DTNBP1: variants seen among roughly 807,000 people sequenced by gnomAD.
DTNBP1 encodes dystrobrevin binding protein 1.
Under a neutral mutation model 42.8 loss-of-function variants are expected in DTNBP1, and 35 were observed. The observed-to-expected ratio is 0.82, with a 90% confidence interval of 0.63 to 1.09. DTNBP1 has a LOEUF of 1.09. DTNBP1 is among the 50% of genes least tolerant of loss of function. The pLI, the probability that DTNBP1 is intolerant of heterozygous loss-of-function variation, is 0.00. For synonymous variants in DTNBP1, 171 were observed against 162.2 expected, an observed-to-expected ratio of 1.05 and a Z score of -0.41; for missense variants, 457 against 424.2, an observed-to-expected ratio of 1.08 and a Z score of -0.68.
chr6:15,585,893 G>T, intron 7 of DTNBP1: 1 of 1,425,910 alleles, frequency 7.0e-7, no homozygotes, highest in Non-Finnish European at 9.2e-7. Context: ...CCAGAAGCAG[G>T]TTTTTCCAAA....
chr6:15,595,237 C>G, intron 6 of DTNBP1: 1 of 388,142 alleles, frequency 2.6e-6, no homozygotes, highest in Non-Finnish European at 4.9e-6. Flanking sequence ...AGAAAAAAAT[C>G]AGTATTATGC....
intron 5 of DTNBP1, among the ~76,000 whole-genome samples, chr6:15,623,109 T>G (rs1759138057): frequency 6.6e-6 from 1 of 152,280 alleles, no homozygotes; most frequent in South Asian, 2.1e-4. Flanking sequence ...GCAAAAGCCA[T>G]TATGGAACAA....
intron 6 of DTNBP1, among the ~76,000 whole-genome samples, chr6:15,600,386 G>A (rs1191631782): frequency 1.3e-5 from 2 of 152,184 alleles, no homozygotes; most frequent in East Asian, 3.8e-4. Flanking sequence ...AATGGTCATT[G>A]TGAGACTTCC....
At chr6:15,557,210 T>G (rs1323103988) in intron 7 of DTNBP1, among the ~76,000 whole-genome samples, 1 of 152,146 alleles carries the variant, frequency 6.6e-6, no homozygotes, top group Non-Finnish European at 1.5e-5. Flanking sequence ...AGAATGTGTT[T>G]TTGGTAAAAT....
At chr6:15,636,850 G>C (rs1760059495) in intron 4 of DTNBP1, among the ~76,000 whole-genome samples, 1 of 152,118 alleles carries the variant, frequency 6.6e-6, no homozygotes, top group South Asian at 2.1e-4. Flanking sequence ...TGTTGTTGTT[G>C]TTGTTGGCCC....
chr6:15,572,931 T>C (rs1228092469), intron 7 of DTNBP1, among the ~76,000 whole-genome samples: 3 of 152,166 alleles, frequency 2.0e-5, no homozygotes, highest in Non-Finnish European at 2.9e-5. Flanking sequence ...GAGGTCTCAC[T>C]CTGTTGCCCA....
intron 1 of DTNBP1, among the ~76,000 whole-genome samples, chr6:15,658,656 A>G (rs1041068921): frequency 6.6e-6 from 1 of 152,196 alleles, no homozygotes; most frequent in Non-Finnish European, 1.5e-5. Context: ...AAATACCTCA[A>G]TCCTGAGGCC....
chr6:15,652,537 A>G (rs1304231930), intron 1 of DTNBP1, among the ~76,000 whole-genome samples: 1 of 149,100 alleles, frequency 6.7e-6, no homozygotes, highest in Non-Finnish European at 1.5e-5. Flanking sequence ...CAGATAAGCT[A>G]CTTTTTTTTT....
chr6:15,536,473 T>C (rs995422513), intron 7 of DTNBP1, among the ~76,000 whole-genome samples: 2 of 152,256 alleles, frequency 1.3e-5, no homozygotes, highest in African/African-American at 4.8e-5. Flanking sequence ...GCTTGGGCTA[T>C]TGCTTCAGAG....
intron 4 of DTNBP1, among the ~76,000 whole-genome samples, chr6:15,634,821 A>G (rs1167641634): frequency 6.6e-6 from 1 of 152,224 alleles, no homozygotes; most frequent in South Asian, 2.1e-4. Flanking sequence ...CACAAATTAG[A>G]TAACTAATAT....
chr6:15,528,736 AAGAC>A (rs1464016514), intron 8 of DTNBP1, among the ~76,000 whole-genome samples: 3 of 152,214 alleles, frequency 2.0e-5, no homozygotes, highest in Non-Finnish European at 4.4e-5. Flanking sequence ...AGTGAAATGA[AAGAC>A]AGCCATGTCA....
At chr6:15,626,287 T>C (rs1169440162) in intron 5 of DTNBP1, among the ~76,000 whole-genome samples, 1 of 152,228 alleles carries the variant, frequency 6.6e-6, no homozygotes, top group African/African-American at 2.4e-5. Flanking sequence ...CTGTAAATCA[T>C]CTAATCATCT....
chr6:15,585,763 G>C, intron 7 of DTNBP1: 1 of 1,534,884 alleles, frequency 6.5e-7, no homozygotes, highest in Non-Finnish European at 8.7e-7. Flanking sequence ...AGATGACATG[G>C]ATGTGAGACC....
intron 7 of DTNBP1, among the ~76,000 whole-genome samples, chr6:15,566,992 G>A (rs1342999236): frequency 6.6e-6 from 1 of 152,130 alleles, no homozygotes; most frequent in African/African-American, 2.4e-5. Context: ...TGCCCAGCCT[G>A]AATGAATCCC....
At position 15,533,553 on chromosome 6, in the gene DTNBP1, T is replaced by C. The variant is rs1306074356; in HGVS notation, c.512-158A>G. On this transcript the variant is annotated intron_variant, in intron 7 of 9. Transcript: ENST00000344537. Reference sequence around the variant, plus strand: ...ACTGCGTGTACAGCTGGCCTCCTTGTCCCCCAATCTGCTGCACTTCCTCCC... The same window carrying C: ...ACTGCGTGTACAGCTGGCCTCCTTGCCCCCCAATCTGCTGCACTTCCTCCC... 4 of 1,218,416 alleles carry C rather than the reference T, an allele frequency of 3.3e-6. No homozygotes were observed. In the East Asian group the frequency reaches 9.4e-5, roughly 29 times the overall value. 75.5% of individuals were successfully genotyped at this position (1,218,416 alleles called of 1,614,324 possible).
At chr6:15,584,120 A>G (rs762803117) in intron 7 of DTNBP1, among the ~76,000 whole-genome samples, 18 of 152,304 alleles carry the variant, frequency 1.2e-4, no homozygotes, top group South Asian at 8.3e-4. Context: ...ACTGTTACAT[A>G]AATATAAGCC....
chr6:15,597,938 C>T (rs1308732872), intron 6 of DTNBP1, among the ~76,000 whole-genome samples: 1 of 152,078 alleles, frequency 6.6e-6, no homozygotes, highest in Non-Finnish European at 1.5e-5. Flanking sequence ...AGTTTATTTC[C>T]ATAGTTTAAT....
At chr6:15,613,070 G>A (rs867746268) in intron 6 of DTNBP1, among the ~76,000 whole-genome samples, 3 of 151,986 alleles carry the variant, frequency 2.0e-5, no homozygotes, top group South Asian at 2.1e-4. Context: ...CACTTTGGGA[G>A]GCTGAGGCGA....
chr6:15,606,811 A>T (rs1257854285), intron 6 of DTNBP1, among the ~76,000 whole-genome samples: 1 of 152,180 alleles, frequency 6.6e-6, no homozygotes, highest in East Asian at 1.9e-4. Context: ...TTTGCATAGC[A>T]TCTTGTTAAA....
Sources: gnomAD v4.1 joint callset for allele counts (sites outside exome capture counted in the v4.1 genomes callset) on GRCh38, gnomAD v4.1.1 for gene constraint, MANE v1.5 for transcripts, NCBI Gene and HGNC (gene_info 2026-07-23, HGNC 2026-07-21) for gene names.